LMO7: variants seen among roughly 807,000 people sequenced by gnomAD.
The protein encoded by LMO7 is LIM domain 7.
A neutral mutation model predicts 206.5 loss-of-function variants in LMO7; 120 were observed. The observed-to-expected ratio is 0.58, with a 90% CI of 0.50 to 0.68. The LOEUF is 0.68. LMO7 is among the 30% of genes least tolerant of loss of function. The probability of loss-of-function intolerance (pLI) is 0.00; values close to 1 mark genes in which losing one functional copy is unlikely to be tolerated. For synonymous variants in LMO7, 706 were observed against 681.5 expected (o/e 1.04, Z -0.56); for missense variants, 1,959 against 1,957.9 (o/e 1.00, Z -0.01).
At chr13:75,637,074 C>T (rs1464771288) in intron 1 of LMO7, among the ~76,000 whole-genome samples, 2 of 152,168 alleles carry the variant, frequency 1.3e-5, no homozygotes, top group African/African-American at 4.8e-5. Flanking sequence ...GCCCAGAGCG[C>T]GCGGTGCAGA....
intron 3 of LMO7, among the ~76,000 whole-genome samples, chr13:75,739,586 A>G (rs1328752871): frequency 6.6e-6 from 1 of 152,118 alleles, no homozygotes; most frequent in Non-Finnish European, 1.5e-5. Context: ...TTATTGGCTA[A>G]TGTTCTTGTA....
chr13:75,858,193 G>C lies in LMO7; in HGVS notation c.*250G>C, dbSNP rs1037657907. The C allele has an allele frequency of 7.9e-6, 3 of 378,934 alleles. No homozygotes were observed. Among genetic ancestry groups the C allele is most frequent in the Non-Finnish European group, 9.4e-6 (2 of 212,982 alleles). 23.5% of individuals were successfully genotyped at this position (378,934 alleles called of 1,614,324 possible). On this transcript the variant is annotated 3_prime_UTR_variant, in exon 31 of 31. Transcript: ENST00000377534. ...ACCTGTTGAATTCAGCATCTTGAGA[G>C]CACAAGGGAAAAAATAAGAACCTAC... is the stretch of plus-strand genomic sequence containing the variant.
chr13:75,691,971 T>C (rs2041520532), intron 1 of LMO7, among the ~76,000 whole-genome samples: 1 of 152,216 alleles, frequency 6.6e-6, no homozygotes, highest in Non-Finnish European at 1.5e-5. Flanking sequence ...CTTTCTTTGA[T>C]GTCTTAGTAC....
At chr13:75,752,036 C>T (rs1216775263) in intron 3 of LMO7, among the ~76,000 whole-genome samples, 1 of 152,142 alleles carries the variant, frequency 6.6e-6, no homozygotes, top group Non-Finnish European at 1.5e-5. Context: ...TGAAATGATT[C>T]AATGTATAAG....
chr13:75,794,028 G>T (rs992024402), intron 4 of LMO7, among the ~76,000 whole-genome samples: 1 of 152,126 alleles, frequency 6.6e-6, no homozygotes, highest in South Asian at 2.1e-4. Context: ...ATTTCATTAC[G>T]TGGATATGCC....
At chr13:75,726,800 G>A (rs1053221127) in intron 2 of LMO7, among the ~76,000 whole-genome samples, 1 of 152,104 alleles carries the variant, frequency 6.6e-6, no homozygotes, top group African/African-American at 2.4e-5. Context: ...AAGTGGGTCT[G>A]TGTCTCCACA....
intron 1 of LMO7, among the ~76,000 whole-genome samples, chr13:75,646,742 C>T (rs955609034): frequency 1.3e-5 from 2 of 152,118 alleles, no homozygotes; most frequent in African/African-American, 2.4e-5. Flanking sequence ...TGCCACCACA[C>T]CCGGCTGATT....
At chr13:75,848,307 C>T (rs2060154535) in intron 26 of LMO7, among the ~76,000 whole-genome samples, 1 of 152,182 alleles carries the variant, frequency 6.6e-6, no homozygotes, top group African/African-American at 2.4e-5. Context: ...CAAGTGAGAA[C>T]ATACGATGTT....
At chr13:75,797,752 G>A (rs765292986) in intron 6 of LMO7, among the ~76,000 whole-genome samples, 1 of 152,146 alleles carries the variant, frequency 6.6e-6, no homozygotes, top group Non-Finnish European at 1.5e-5. Flanking sequence ...TATAGCAAGA[G>A]GTGGGATTAT....
chr13:75,830,823 C>T lies in LMO7; in HGVS notation c.2950-2228C>T, dbSNP rs2058590473. On this transcript the variant is annotated intron_variant, in intron 15 of 30. Coordinates refer to ENST00000377534, the MANE Select transcript of LMO7 (RefSeq NM_001306080.2). Reference sequence around the variant, plus strand: ...AAAGGATAATGTTCACTTGCCATCTCCCACAAAATATGCTTTATGTAGTTT... The same window carrying T: ...AAAGGATAATGTTCACTTGCCATCTTCCACAAAATATGCTTTATGTAGTTT... Among the ~76,000 whole-genome samples, 5 of 152,164 alleles carry T rather than the reference C, an allele frequency of 3.3e-5. No individual in the cohort carries two copies. In the South Asian group the frequency reaches 1.0e-3, roughly 31 times the overall value.
At chr13:75,760,290 C>G in intron 3 of LMO7, 1 of 909,902 alleles carries the variant, frequency 1.1e-6, no homozygotes, top group Middle Eastern at 5.6e-4. Flanking sequence ...GGAGGCAGCT[C>G]TTGAGGCAGG....
chr13:75,812,758 A>G (rs1386298311), intron 11 of LMO7, among the ~76,000 whole-genome samples: 1 of 152,228 alleles, frequency 6.6e-6, no homozygotes. Flanking sequence ...CAGAAAGGCA[A>G]GATGCTAGAT....
At chr13:75,755,663 C>T (rs1449828675) in intron 3 of LMO7, among the ~76,000 whole-genome samples, 6 of 152,196 alleles carry the variant, frequency 3.9e-5, no homozygotes, top group African/African-American at 1.4e-4. Flanking sequence ...TGAAACTCAA[C>T]ATTTCTAAAC....
At chr13:75,783,787 A>T (rs2051940334) in intron 4 of LMO7, among the ~76,000 whole-genome samples, 1 of 152,150 alleles carries the variant, frequency 6.6e-6, no homozygotes, top group Non-Finnish European at 1.5e-5. Flanking sequence ...TTAGGCACTG[A>T]GGTAGGTCTT....
At chr13:75,850,000 C>T (rs901929004) in intron 27 of LMO7, among the ~76,000 whole-genome samples, 1 of 152,198 alleles carries the variant, frequency 6.6e-6, no homozygotes, top group East Asian at 1.9e-4. Flanking sequence ...TGCCTGTAAT[C>T]CCAGCTACCC....
At chr13:75,757,316 A>G (rs923588587) in intron 3 of LMO7, among the ~76,000 whole-genome samples, 1 of 152,180 alleles carries the variant, frequency 6.6e-6, no homozygotes, top group Non-Finnish European at 1.5e-5. Flanking sequence ...GGGTCCCCCA[A>G]TTCAGAACTA....
intron 1 of LMO7, among the ~76,000 whole-genome samples, chr13:75,655,620 A>C (rs2037983606): frequency 7.4e-6 from 1 of 134,962 alleles, no homozygotes; most frequent in Admixed American, 7.5e-5. Context: ...TCTGCTGAAT[A>C]TTTTTGTTCA....
At chr13:75,646,413 A>G (rs1439762684) in intron 1 of LMO7, among the ~76,000 whole-genome samples, 2 of 151,940 alleles carry the variant, frequency 1.3e-5, no homozygotes, top group African/African-American at 2.4e-5. Flanking sequence ...TCCCCTGACA[A>G]TGGCTTTCCA....
chr13:75,811,208 CTTT>C (rs764599899), intron 11 of LMO7, among the ~76,000 whole-genome samples: 13 of 130,686 alleles, frequency 9.9e-5, no homozygotes, highest in East Asian at 2.1e-4. Context: ...TTTTCTTTCT[CTTT>C]TTTTTTTTTT....
Sources: gnomAD v4.1 joint callset for allele counts (sites outside exome capture counted in the v4.1 genomes callset) on GRCh38, gnomAD v4.1.1 for gene constraint, MANE v1.5 for transcripts, NCBI Gene and HGNC (gene_info 2026-07-23, HGNC 2026-07-21) for gene names.